Variants in TPR observed in about 807,000 individuals in gnomAD.
The protein encoded by TPR is nucleoprotein TPR.
TPR carries 51 observed loss-of-function variants against 316.1 expected under a neutral mutation model. That is an observed-to-expected ratio of 0.16 (90% CI 0.13 to 0.20). The LOEUF is 0.20. Ranked by LOEUF, TPR falls within the 10% of genes least tolerant of loss-of-function variation. The probability of loss-of-function intolerance (pLI) is 1.00; values close to 1 mark genes in which losing one functional copy is unlikely to be tolerated. For synonymous variants in TPR, 981 were observed against 914.7 expected (o/e 1.07, Z -1.31); for missense variants, 2,272 against 2,754.8 (o/e 0.82, Z 3.92).
At chr1:186,326,606 TA>T (rs1657939561) in intron 40 of TPR, among the ~76,000 whole-genome samples, 1 of 151,886 alleles carries the variant, frequency 6.6e-6, no homozygotes, top group South Asian at 2.1e-4. Flanking sequence ...TAATCTAAAA[TA>T]AGAAGCTGTC....
intron 10 of TPR, 115 bp downstream of exon 10, chr1:186,360,650 G>A (rs995029088): frequency 1.2e-5 from 16 of 1,360,514 alleles, no homozygotes; most frequent in East Asian, 4.8e-5. Flanking sequence ...AATATAACTC[G>A]ATGGAGTTTC....
chr1:186,361,902 T>A, intron 7 of TPR, 33 bp from the exon 8 acceptor site: 2 of 1,593,786 alleles, frequency 1.3e-6, no homozygotes, highest in Non-Finnish European at 1.7e-6. Flanking sequence ...AGCAGTCTAC[T>A]TTGAACTAAA....
At chr1:186,314,082 G>A (rs948847750) in intron 50 of TPR, 56 bp from the exon 51 acceptor site, 23 of 1,505,654 alleles carry the variant, frequency 1.5e-5, no homozygotes, top group Non-Finnish European at 2.0e-5. Flanking sequence ...CAAAACTAGT[G>A]TATTCACTTA....
chr1:186,357,830 A>C (rs1659073344), intron 13 of TPR, among the ~76,000 whole-genome samples: 1 of 152,216 alleles, frequency 6.6e-6, no homozygotes, highest in Non-Finnish European at 1.5e-5. Flanking sequence ...GTATGTATTG[A>C]AGGCTATTAC....
At chr1:186,324,163 T>C (rs183806219) in intron 42 of TPR, among the ~76,000 whole-genome samples, 1 of 152,272 alleles carries the variant, frequency 6.6e-6, no homozygotes, top group Admixed American at 6.5e-5. Context: ...AAATGGTTTT[T>C]CTAAAGATTT....
At chr1:186,321,580 T>C (rs1251639704) in intron 45 of TPR, among the ~76,000 whole-genome samples, 3 of 152,198 alleles carry the variant, frequency 2.0e-5, no homozygotes, top group African/African-American at 7.2e-5. Context: ...TCTCATAAGT[T>C]ATGAGGTTAA....
intron 46 of TPR, 103 bp downstream of exon 46, chr1:186,320,209 T>A (rs1657739376): frequency 3.0e-6 from 3 of 992,448 alleles, no homozygotes; most frequent in Middle Eastern, 2.9e-4. Flanking sequence ...ATATCAATTT[T>A]AAAAATATTC....
Position 186,312,397 on chromosome 1 carries a change from A to G in TPR, c.*1574T>C. The G allele has an allele frequency of 6.3e-7, 1 of 1,585,906 alleles. No homozygotes were observed. ...GGTAACATTTTTATTGTGTTAAAAAAATCCTTAAACATAAGTAGATGTAAT... is the reference window on the plus strand; with the variant it reads ...GGTAACATTTTTATTGTGTTAAAAAGATCCTTAAACATAAGTAGATGTAAT... On this transcript the variant is annotated 3_prime_UTR_variant, in exon 51 of 51. Coordinates refer to ENST00000367478, the MANE Select transcript of TPR (RefSeq NM_003292.3).
intron 29 of TPR, among the ~76,000 whole-genome samples, chr1:186,340,271 T>C (rs1007318424): frequency 4.4e-4 from 67 of 152,174 alleles, no homozygotes; most frequent in African/African-American, 1.6e-3. Flanking sequence ...TCCCAAGTCA[T>C]ATAAATAATA....
chr1:186,329,848 T>C (rs576927955), intron 39 of TPR, among the ~76,000 whole-genome samples: 147 of 152,276 alleles, frequency 9.7e-4, no homozygotes, highest in Non-Finnish European at 1.8e-3. Context: ...AAAATAATTA[T>C]AGCATAAGAT....
chr1:186,328,972 T>A (rs1289174088), intron 39 of TPR, among the ~76,000 whole-genome samples: 1 of 152,302 alleles, frequency 6.6e-6, no homozygotes, highest in South Asian at 2.1e-4. Context: ...AAAAATTACA[T>A]ATGCCGTAAT....
At position 186,355,539 on chromosome 1, in the gene TPR, T is replaced by A. The variant is rs1484043636; in HGVS notation, c.2042A>T (p.Asn681Ile). The A allele has an allele frequency of 6.2e-7, 1 of 1,611,586 alleles. No homozygotes were observed. The highest frequency in any genetic ancestry group is 8.5e-7 in the Non-Finnish European group (1 of 1,179,608). Residue 681 changes from asparagine to isoleucine, a missense_variant, in exon 17 of 51, where the codon AAC becomes ATC. By Grantham distance (149) the Asn-to-Ile change is moderately radical. Coordinates refer to ENST00000367478, the MANE Select transcript of TPR (RefSeq NM_003292.3). ...ALKQLQEIFE[N>I]YKKEKAENEK... ...ATTTTCTGCTTTTTCTTTTTTGTAG[T>A]TCTCAAAAATTTCCTGCAACTAAAT...
Position 186,360,374 on chromosome 1 carries a change from C to CAAAT in TPR, c.1100-14_1100-11dup. 2 of 1,609,328 alleles carry CAAAT rather than the reference C, an allele frequency of 1.2e-6. No individual in the cohort carries two copies. Among genetic ancestry groups the CAAAT allele is most frequent in the Non-Finnish European group, 1.7e-6 (2 of 1,178,228 alleles). ...TCAGACAATATGGCTCCTGTGCCAACAAATACACATCTAGTATAATTTGTA... is the reference window on the plus strand; with the variant it reads ...TCAGACAATATGGCTCCTGTGCCAACAAATAAATACACATCTAGTATAATTTGTA... On this transcript the variant is annotated splice_polypyrimidine_tract_variant and intron_variant, in intron 10 of 50. Transcript: ENST00000367478.
Position 186,332,325 on chromosome 1 carries a change from G to C in TPR, c.5474C>G (p.Ser1825Cys). 6.2e-7 allele frequency: 1 copy of C among 1,612,268 alleles called. No homozygotes were observed. The highest frequency in any genetic ancestry group is 1.1e-5 in the South Asian group (1 of 90,660). ...VFGTVSATPS[S>C]SLPKRTREEE... ...TTCACGTGTACGCTTTGGCAAAGAA[G>C]AACTGGGGGTAGCCGAAACTTTGAA... Residue 1825 changes from serine to cysteine, a missense_variant, in exon 38 of 51, where the codon TCT becomes TGT. By Grantham distance (112) the Ser-to-Cys change is moderately radical. Around this residue, in one of 10 missense-constraint regions of TPR, gnomAD observed 435 missense variants for 461.1 expected, o/e 0.94. Transcript: ENST00000367478.
At chr1:186,370,727 A>G (rs1421758959) in intron 3 of TPR, among the ~76,000 whole-genome samples, 1 of 152,158 alleles carries the variant, frequency 6.6e-6, no homozygotes, top group African/African-American at 2.4e-5. Flanking sequence ...CACATTTGAT[A>G]TAATACCTGG....
chr1:186,324,711 C>T (rs575089192), intron 42 of TPR, among the ~76,000 whole-genome samples: 47 of 152,020 alleles, frequency 3.1e-4, no homozygotes, highest in African/African-American at 1.1e-3. Flanking sequence ...AGTGTAGTTG[C>T]TTGAAATGTA....
In TPR at chr1:186,360,782, G is replaced by C; in HGVS notation, c.1082C>G (p.Ser361Cys). 6.2e-7 allele frequency: 1 copy of C among 1,612,866 alleles called. No homozygotes were observed. The highest frequency in any genetic ancestry group is 8.5e-7 in the Non-Finnish European group (1 of 1,179,194). The change falls in exon 10 of 51, where the codon TCT becomes TGT. Residue 361 changes from serine to cysteine, a missense_variant. Ser to Cys is a moderately radical substitution (Grantham distance 112). This residue lies in a region of TPR where 549 missense variants were observed against 598.6 expected (regional missense o/e 0.92). Coordinates refer to ENST00000367478, the MANE Select transcript of TPR (RefSeq NM_003292.3). ...KELENANDLLSATKRKGAILS... is the reference protein window; with the variant it reads ...KELENANDLLCATKRKGAILS... ...AGCCATACCTTTACGTTTTGTGGCAGAAAGAAGGTCATTTGCATTCTCTAA... is the reference window on the plus strand; with the variant it reads ...AGCCATACCTTTACGTTTTGTGGCACAAAGAAGGTCATTTGCATTCTCTAA...
In TPR at chr1:186,327,562, C is replaced by T. The variant is rs763767200; in HGVS notation, c.5787G>A (p.Thr1929=). The change falls in exon 40 of 51, where the codon ACG becomes ACA. Residue 1929 remains threonine (T), a synonymous_variant. Transcript: ENST00000367478. Reference sequence around the variant, plus strand: ...CTTGACCATCCTGGGATGAAGTTGTCGTCTGCTGATCTGATTGAAGTGGCC... The same window carrying T: ...CTTGACCATCCTGGGATGAAGTTGTTGTCTGCTGATCTGATTGAAGTGGCC... ...DLGPLQSDQQ[T]TTSSQDGQGK... 2.5e-5 allele frequency: 41 copies of T among 1,612,216 alleles called. No individual in the cohort carries two copies. The highest frequency in any genetic ancestry group is 2.7e-5 in the Non-Finnish European group (32 of 1,179,680).
intron 44 of TPR, 49 bp from the exon 45 acceptor site, chr1:186,322,461 C>T (rs1267992307): frequency 6.2e-7 from 1 of 1,611,966 alleles, no homozygotes; most frequent in East Asian, 2.2e-5. Flanking sequence ...CACATATGGA[C>T]TATATAAATA....
Sources: allele counts gnomAD v4.1 joint callset (sites outside exome capture counted in the v4.1 genomes callset), GRCh38; gene constraint gnomAD v4.1.1; regional missense constraint gnomAD v4.1.1; transcripts MANE v1.5; gene names NCBI Gene and HGNC (gene_info 2026-07-23, HGNC 2026-07-21).